RELN: variants seen among roughly 807,000 people sequenced by gnomAD.
RELN encodes the protein reelin.
A neutral mutation model predicts 427.6 loss-of-function variants in RELN; 108 were observed. The observed-to-expected ratio is 0.25, with a 90% confidence interval of 0.22 to 0.30. The LOEUF (loss-of-function observed/expected upper bound fraction) is 0.30, where lower values mean the gene tolerates loss of function less well. Among genes scored for constraint, RELN ranks in the 10% least tolerant of loss-of-function variants. The probability of loss-of-function intolerance (pLI) is 1.00; values close to 1 mark genes in which losing one functional copy is unlikely to be tolerated. For synonymous variants in RELN, 1,524 were observed against 1,513.4 expected (o/e 1.01, Z -0.16); for missense variants, 3,715 against 4,302.8 (o/e 0.86, Z 3.82).
chr7:103,472,579 A>T lies in RELN; in HGVS notation c.*233T>A, dbSNP rs932465986. 1.9e-6 allele frequency: 1 copy of T among 517,388 alleles called. No individual in the cohort carries two copies. Among genetic ancestry groups the T allele is most frequent in the East Asian group, 3.5e-5 (1 of 28,850 alleles). The allele number at this position is 517,388 out of a possible 1,614,324, so 32.0% of individuals were successfully genotyped here. A position where few individuals can be genotyped will look rare whatever the true frequency, so the allele number is the denominator to read the frequency against. On this transcript the variant is annotated 3_prime_UTR_variant, in exon 65 of 65. Transcript: ENST00000428762. ...GCCACTGTAACTGATATTACAACAG[A>T]TCACAACTTTCACGGACACATCAAC...
chr7:103,498,908 T>C (rs1202919161), intron 53 of RELN, among the ~76,000 whole-genome samples: 1 of 152,218 alleles, frequency 6.6e-6, no homozygotes, highest in Non-Finnish European at 1.5e-5. Context: ...TATTATATTA[T>C]GAAACATGCC....
chr7:103,770,380 C>T (rs1329762786), intron 4 of RELN, among the ~76,000 whole-genome samples: 1 of 152,120 alleles, frequency 6.6e-6, no homozygotes, highest in Non-Finnish European at 1.5e-5. Context: ...CACCGCGCCC[C>T]GCCCAGCCCA....
intron 51 of RELN, among the ~76,000 whole-genome samples, chr7:103,506,272 G>A (rs956347342): frequency 9.2e-5 from 14 of 152,100 alleles, no homozygotes; most frequent in African/African-American, 3.4e-4. Flanking sequence ...ATTCACCAAG[G>A]TTGAAATGAA....
At chr7:103,985,207 C>T (rs998561579) in intron 1 of RELN, among the ~76,000 whole-genome samples, 3 of 151,928 alleles carry the variant, frequency 2.0e-5, no homozygotes, top group South Asian at 2.1e-4. Context: ...AATAGTGATG[C>T]CGGACTTACA....
chr7:103,783,145 C>A (rs992388417), intron 3 of RELN, among the ~76,000 whole-genome samples: 16 of 143,410 alleles, frequency 1.1e-4, no homozygotes, highest in Non-Finnish European at 1.7e-4. Context: ...AATTACAGTA[C>A]TTTCTTTTCT....
At chr7:103,844,202 C>A (rs779864090) in intron 2 of RELN, among the ~76,000 whole-genome samples, 1 of 152,156 alleles carries the variant, frequency 6.6e-6, no homozygotes, top group Non-Finnish European at 1.5e-5. Flanking sequence ...CTCAACAAAG[C>A]TTTCTTTAAA....
At chr7:103,574,461 A>G (rs978165535) in intron 29 of RELN, among the ~76,000 whole-genome samples, 162 bp from the exon 30 acceptor site, 6 of 152,254 alleles carry the variant, frequency 3.9e-5, no homozygotes, top group South Asian at 4.1e-4. Context: ...AAAGACAGCC[A>G]TCACTACCAT....
At chr7:103,507,062 T>TAGACTCCC (rs1314285585) in intron 51 of RELN, among the ~76,000 whole-genome samples, 24 of 152,284 alleles carry the variant, frequency 1.6e-4, no homozygotes, top group Admixed American at 1.2e-3. Context: ...CAAAGAGACT[T>TAGACTCCC]AGACTCCCAC....
At chr7:103,548,295 T>C (rs529059244) in intron 41 of RELN, among the ~76,000 whole-genome samples, 3 of 152,292 alleles carry the variant, frequency 2.0e-5, no homozygotes, top group South Asian at 4.1e-4. Flanking sequence ...TCGTGTCCAA[T>C]AAATGCAAGA....
chr7:103,636,656 A>C (rs1832589162), intron 17 of RELN, among the ~76,000 whole-genome samples, 188 bp from the exon 18 acceptor site: 2 of 152,208 alleles, frequency 1.3e-5, no homozygotes. Flanking sequence ...ATTCCAGACA[A>C]ATACAGTATT....
intron 6 of RELN, among the ~76,000 whole-genome samples, chr7:103,738,656 T>TTTCC (rs1250827960): frequency 5.3e-5 from 8 of 150,090 alleles, no homozygotes; most frequent in Non-Finnish European, 1.2e-4. Flanking sequence ...GTCTGGCATC[T>TTTCC]TTCCTTCCTT....
At position 103,569,549 on chromosome 7, in the gene RELN, G is replaced by C. The variant is rs977628148; in HGVS notation, c.4588+2635C>G. On this transcript the variant is annotated intron_variant, in intron 31 of 64. Transcript: ENST00000428762. This position sits in a 1 kb window ranked among gnomAD's most constrained non-coding sequence, Gnocchi z 4.0. ...TTAACAAGGCTCCCAAATGATTCAGGTGAACATTAAATTATAAGAAACATG... is the reference window on the plus strand; with the variant it reads ...TTAACAAGGCTCCCAAATGATTCAGCTGAACATTAAATTATAAGAAACATG... Among the ~76,000 whole-genome samples the C allele has an allele frequency of 4.6e-5, 7 of 152,302 alleles. No homozygotes were observed. Among genetic ancestry groups the C allele is most frequent in the Admixed American group, 3.3e-4 (5 of 15,300 alleles).
intron 20 of RELN, among the ~76,000 whole-genome samples, chr7:103,619,173 T>C (rs913030150): frequency 2.0e-5 from 3 of 151,952 alleles, no homozygotes; most frequent in African/African-American, 4.8e-5. Context: ...TCACATCAAA[T>C]TGGGTGCTTA....
At chr7:103,850,912 T>G (rs1049372327) in intron 2 of RELN, among the ~76,000 whole-genome samples, 1 of 152,186 alleles carries the variant, frequency 6.6e-6, no homozygotes, top group Non-Finnish European at 1.5e-5. Flanking sequence ...ATAGCCACTA[T>G]GGAAAACAGT....
At chr7:103,707,467 C>A (rs1030151867) in intron 8 of RELN, among the ~76,000 whole-genome samples, 1 of 151,872 alleles carries the variant, frequency 6.6e-6, no homozygotes, top group African/African-American at 2.4e-5. Context: ...CTAAATAACA[C>A]ATTCCATGAT....
At chr7:103,484,265 C>G (rs2116979943) in intron 61 of RELN, 1 of 211,850 alleles carries the variant, frequency 4.7e-6, no homozygotes, top group Middle Eastern at 2.0e-3. Flanking sequence ...TCCATAATTT[C>G]CAAGTTCATA....
At chr7:103,528,880 G>A (rs937283547) in intron 46 of RELN, among the ~76,000 whole-genome samples, 8 of 151,342 alleles carry the variant, frequency 5.3e-5, no homozygotes, top group Admixed American at 3.9e-4. Flanking sequence ...GCTCACGCCT[G>A]TAATCCCAGC....
chr7:103,775,320 C>T (rs117296873), intron 4 of RELN, among the ~76,000 whole-genome samples: 130 of 151,906 alleles, frequency 8.6e-4, no homozygotes, highest in Non-Finnish European at 1.6e-3. Flanking sequence ...CCCAGGAATA[C>T]TGATAATATG....
Position 103,491,850 on chromosome 7 carries a change from T to A in RELN, c.9443+103A>T, listed in dbSNP as rs2965095. 9,135 of 505,500 alleles carry A rather than the reference T, an allele frequency of 0.018. 159 individuals are homozygous for A. The highest frequency in any genetic ancestry group is 0.081 in the South Asian group (3,717 of 45,854). The allele number at this position is 505,500 out of a possible 1,614,324, so 31.3% of individuals were successfully genotyped here. A position where few individuals can be genotyped will look rare whatever the true frequency, so the allele number is the denominator to read the frequency against. On this transcript the variant is annotated intron_variant, in intron 58 of 64. Coordinates refer to ENST00000428762, the MANE Select transcript of RELN (RefSeq NM_005045.4). ...CTCTCTCTCTCTCTCTCTCTCTCTC[T>A]CTCTCTCACACACACACACACACAC... is the stretch of plus-strand genomic sequence containing the variant.
Sources: allele counts gnomAD v4.1 joint callset (sites outside exome capture counted in the v4.1 genomes callset), GRCh38; gene constraint gnomAD v4.1.1; non-coding constraint Gnocchi (gnomAD v3.1); transcripts MANE v1.5; gene names NCBI Gene and HGNC (gene_info 2026-07-23, HGNC 2026-07-21).